Variants in PUS10 observed in about 807,000 individuals in gnomAD.
PUS10 encodes pseudouridine synthase 10.
In PUS10, 59 loss-of-function variants were observed where a neutral mutation model predicts 75.0. The observed-to-expected ratio is 0.79, with a 90% CI of 0.64 to 0.98. The LOEUF (loss-of-function observed/expected upper bound fraction) is 0.98, where lower values mean the gene tolerates loss of function less well. Ranked by LOEUF, PUS10 falls within the 50% of genes least tolerant of loss-of-function variation. The pLI, the probability that PUS10 is intolerant of heterozygous loss-of-function variation, is 0.00. For synonymous variants in PUS10, 219 were observed against 211.6 expected, an observed-to-expected ratio of 1.03 and a Z score of -0.30; for missense variants, 650 against 614.4, an observed-to-expected ratio of 1.06 and a Z score of -0.61.
intron 16 of PUS10, 116 bp downstream of exon 16, chr2:60,947,927 G>A (rs1251814894): frequency 1.0e-6 from 1 of 978,218 alleles, no homozygotes; most frequent in Non-Finnish European, 1.6e-6. Context: ...TTCTTCTTCA[G>A]TATAATCCTT....
Position 60,943,550 on chromosome 2 carries a change from A to G in PUS10, c.1552-1117T>C, listed in dbSNP as rs1573368954. On this transcript the variant is annotated intron_variant, in intron 17 of 17. Transcript: ENST00000316752. Reference sequence around the variant, plus strand: ...GTTTAAAACATAAAATTATTTACTGAAAATTTTTTCATTAATCCATGAGTC... The same window carrying G: ...GTTTAAAACATAAAATTATTTACTGGAAATTTTTTCATTAATCCATGAGTC... Among the ~76,000 whole-genome samples the G allele has an allele frequency of 2.0e-5, 3 of 152,226 alleles. No homozygotes were observed. The South Asian group carries it at 6.2e-4, about 32-fold the overall frequency.
chr2:60,981,230 G>A (rs192117292), intron 4 of PUS10, among the ~76,000 whole-genome samples: 1 of 151,756 alleles, frequency 6.6e-6, no homozygotes, highest in East Asian at 2.0e-4. Context: ...AGTAGCTTTT[G>A]TTTATGTTGG....
intron 8 of PUS10, 102 bp downstream of exon 8, chr2:60,964,956 T>C (rs923677956): frequency 2.0e-5 from 20 of 992,464 alleles, no homozygotes; most frequent in Admixed American, 1.9e-4. Flanking sequence ...CTTAGTATAA[T>C]AGAGTTGCCA....
chr2:60,959,041 G>C (rs1472211902), intron 11 of PUS10, among the ~76,000 whole-genome samples: 1 of 152,214 alleles, frequency 6.6e-6, no homozygotes, highest in African/African-American at 2.4e-5. Context: ...TTGAGACAAG[G>C]AAAACATAAA....
intron 4 of PUS10, among the ~76,000 whole-genome samples, chr2:60,993,117 A>G (rs1480163561): frequency 6.6e-6 from 1 of 152,192 alleles, no homozygotes; most frequent in Non-Finnish European, 1.5e-5. Context: ...TGAAATGTCA[A>G]TCCAGTGCTC....
intron 3 of PUS10, among the ~76,000 whole-genome samples, chr2:61,007,230 A>G (rs1371476225): frequency 6.6e-6 from 1 of 151,438 alleles, no homozygotes; most frequent in Non-Finnish European, 1.5e-5. Flanking sequence ...TTTTTTTTTA[A>G]AAAAAAGAAA....
chr2:60,987,017 C>A (rs989075965), intron 4 of PUS10, among the ~76,000 whole-genome samples: 1 of 152,054 alleles, frequency 6.6e-6, no homozygotes, highest in Non-Finnish European at 1.5e-5. Context: ...TTCAGTAATT[C>A]GAAAAATAAA....
intron 1 of PUS10, among the ~76,000 whole-genome samples, chr2:61,012,122 G>A (rs898538511): frequency 2.0e-5 from 3 of 152,146 alleles, no homozygotes; most frequent in Non-Finnish European, 2.9e-5. Flanking sequence ...AAGGAATTTA[G>A]TGTAGCATTT....
chr2:60,951,520 T>C (rs1675336655), intron 15 of PUS10, among the ~76,000 whole-genome samples: 1 of 152,132 alleles, frequency 6.6e-6, no homozygotes, highest in South Asian at 2.1e-4. Flanking sequence ...AGGCATTAGA[T>C]TTTCATAAGG....
intron 1 of PUS10, among the ~76,000 whole-genome samples, chr2:61,013,441 T>G (rs1679761872): frequency 6.6e-6 from 1 of 152,206 alleles, no homozygotes; most frequent in South Asian, 2.1e-4. Flanking sequence ...TGATTACCTT[T>G]TTGTTCAATC....
chr2:60,987,119 G>A (rs1172488200), intron 4 of PUS10, among the ~76,000 whole-genome samples: 1 of 152,182 alleles, frequency 6.6e-6, no homozygotes, highest in East Asian at 1.9e-4. Flanking sequence ...AAAGTTTAAA[G>A]TAGATGATAT....
intron 4 of PUS10, among the ~76,000 whole-genome samples, chr2:60,997,068 A>G (rs901301706): frequency 7.2e-5 from 11 of 152,216 alleles, no homozygotes; most frequent in African/African-American, 2.7e-4. Context: ...TGATTCTAAC[A>G]ACACAGAATT....
intron 3 of PUS10, among the ~76,000 whole-genome samples, chr2:61,008,284 G>A (rs937738776): frequency 6.6e-6 from 1 of 151,766 alleles, no homozygotes; most frequent in Non-Finnish European, 1.5e-5. Flanking sequence ...AGCACTTTGG[G>A]AGGCCAAGGC....
At chr2:61,001,167 T>C (rs1255037964) in intron 4 of PUS10, among the ~76,000 whole-genome samples, 2 of 152,236 alleles carry the variant, frequency 1.3e-5, no homozygotes, top group African/African-American at 4.8e-5. Context: ...TTTCATCTAT[T>C]TCTTGCTCTA....
At chr2:60,955,423 G>A (rs1675587520) in intron 11 of PUS10, among the ~76,000 whole-genome samples, 1 of 152,070 alleles carries the variant, frequency 6.6e-6, no homozygotes, top group Non-Finnish European at 1.5e-5. Flanking sequence ...TCAAACTCCT[G>A]GGCCCAATCA....
At chr2:61,007,630 G>T (rs937342910) in intron 3 of PUS10, among the ~76,000 whole-genome samples, 7 of 151,504 alleles carry the variant, frequency 4.6e-5, no homozygotes, top group Non-Finnish European at 1.0e-4. Flanking sequence ...TCAGCTGGGC[G>T]TGGTGGCACG....
intron 1 of PUS10, among the ~76,000 whole-genome samples, chr2:61,015,113 T>C (rs568174206): frequency 1.3e-5 from 2 of 152,102 alleles, no homozygotes; most frequent in African/African-American, 4.8e-5. Context: ...AACACCAGAA[T>C]TGAGAAACGC....
intron 4 of PUS10, among the ~76,000 whole-genome samples, chr2:60,972,659 T>C (rs2104426747): frequency 6.6e-6 from 1 of 152,280 alleles, no homozygotes; most frequent in Admixed American, 6.5e-5. Flanking sequence ...AAATACCACA[T>C]GTAGTCTGCT....
chr2:60,990,970 T>C (rs1381319109), intron 4 of PUS10, among the ~76,000 whole-genome samples: 1 of 152,186 alleles, frequency 6.6e-6, no homozygotes, highest in Non-Finnish European at 1.5e-5. Flanking sequence ...GGTCTTGAAC[T>C]CCTGGGCTCA....
Sources: gnomAD v4.1 joint callset for allele counts (sites outside exome capture counted in the v4.1 genomes callset) on GRCh38, gnomAD v4.1.1 for gene constraint, MANE v1.5 for transcripts, NCBI Gene and HGNC (gene_info 2026-07-23, HGNC 2026-07-21) for gene names.